The following ATF7IP variants were observed in gnomAD, a reference collection of about 807,000 sequenced individuals.
The protein encoded by ATF7IP is activating transcription factor 7-interacting protein 1.
Under a neutral mutation model 106.4 loss-of-function variants are expected in ATF7IP, and 23 were observed. That is an observed-to-expected ratio of 0.22 (90% CI 0.16 to 0.31). The LOEUF (loss-of-function observed/expected upper bound fraction) is 0.31. Ranked by LOEUF, ATF7IP falls within the 10% of genes least tolerant of loss-of-function variation. The pLI is 1.00. For synonymous variants in ATF7IP, 542 were observed against 539.0 expected, an observed-to-expected ratio of 1.01 and a Z score of -0.08; for missense variants, 1,334 against 1,524.3, an observed-to-expected ratio of 0.88 and a Z score of 2.08.
chr12:14,408,963 T>G (rs1347990134), intron 1 of ATF7IP, among the ~76,000 whole-genome samples: 1 of 152,148 alleles, frequency 6.6e-6, no homozygotes, highest in Non-Finnish European at 1.5e-5. Flanking sequence ...AATATTATAC[T>G]AGAATACTTC....
At chr12:14,481,635 G>A (rs942579863) in intron 13 of ATF7IP, 1 of 444,848 alleles carries the variant, frequency 2.2e-6, no homozygotes, top group Non-Finnish European at 4.5e-6. Context: ...AATTGTTGAT[G>A]TATACTAGTT....
chr12:14,462,776 T>C (rs909850938), intron 9 of ATF7IP, among the ~76,000 whole-genome samples: 3 of 152,004 alleles, frequency 2.0e-5, no homozygotes, highest in Non-Finnish European at 4.4e-5. Flanking sequence ...CAATCATTAA[T>C]TGGTATAGCA....
intron 10 of ATF7IP, among the ~76,000 whole-genome samples, chr12:14,470,435 G>T (rs144774664): frequency 6.6e-6 from 1 of 152,046 alleles, no homozygotes; most frequent in Non-Finnish European, 1.5e-5. Flanking sequence ...AAACATAAAC[G>T]TGTTTCTGAT....
intron 13 of ATF7IP, among the ~76,000 whole-genome samples, chr12:14,486,830 T>C (rs539179836): frequency 6.6e-6 from 1 of 151,986 alleles, no homozygotes; most frequent in Non-Finnish European, 1.5e-5. Context: ...GTGACTAAGG[T>C]TCCCACCGTT....
rs752004141 is a variant in ATF7IP at position 14,481,204 on chromosome 12, A to G, written c.3280+19A>G. ...CAAAATAGTAAGAGATTTTTCTTGTATATGGCCCCAAGATACATGTAGTTC... is the reference window on the plus strand; with the variant it reads ...CAAAATAGTAAGAGATTTTTCTTGTGTATGGCCCCAAGATACATGTAGTTC... On this transcript the variant is annotated intron_variant, in intron 13 of 14. Coordinates refer to ENST00000261168, the MANE Select transcript of ATF7IP (RefSeq NM_018179.5). 6 of 1,612,140 alleles carry G rather than the reference A, an allele frequency of 3.7e-6. No individual in the cohort carries two copies. The highest frequency in any genetic ancestry group is 5.1e-6 in the Non-Finnish European group (6 of 1,179,734).
intron 1 of ATF7IP, among the ~76,000 whole-genome samples, chr12:14,382,380 C>T (rs1455802635): frequency 1.3e-5 from 2 of 152,146 alleles, no homozygotes; most frequent in Non-Finnish European, 2.9e-5. Context: ...AAACCTGTGA[C>T]ATTATACAGT....
intron 7 of ATF7IP, among the ~76,000 whole-genome samples, chr12:14,456,910 A>G (rs796388632): frequency 3.3e-5 from 5 of 152,328 alleles, no homozygotes; most frequent in African/African-American, 9.6e-5. Flanking sequence ...TGCTTCTGTT[A>G]AGGGTGAGAA....
chr12:14,408,881 G>A (rs1403807372), intron 1 of ATF7IP, among the ~76,000 whole-genome samples: 1 of 152,104 alleles, frequency 6.6e-6, no homozygotes, highest in Non-Finnish European at 1.5e-5. Flanking sequence ...TGTCAGTTAC[G>A]TGTACATAGC....
intron 1 of ATF7IP, chr12:14,417,000 T>C: frequency 2.0e-4 from 155 of 790,676 alleles, no homozygotes; most frequent in Non-Finnish European, 2.2e-4. Flanking sequence ...GGAAATGAGG[T>C]TTATTTTTAA....
At chr12:14,410,510 G>C (rs1349797292) in intron 1 of ATF7IP, among the ~76,000 whole-genome samples, 1 of 152,136 alleles carries the variant, frequency 6.6e-6, no homozygotes, top group African/African-American at 2.4e-5. Flanking sequence ...ACGTGCAAGA[G>C]TAGTGATGCT....
intron 1 of ATF7IP, among the ~76,000 whole-genome samples, chr12:14,380,061 T>A (rs1938935174): frequency 6.6e-6 from 1 of 152,208 alleles, no homozygotes; most frequent in Non-Finnish European, 1.5e-5. Flanking sequence ...TTCTGATTTG[T>A]AATTTTGTCT....
At chr12:14,377,746 T>A (rs1416652094) in intron 1 of ATF7IP, among the ~76,000 whole-genome samples, 1 of 151,998 alleles carries the variant, frequency 6.6e-6, no homozygotes, top group Non-Finnish European at 1.5e-5. Flanking sequence ...CCTGAGTAGC[T>A]GGGATTACAG....
At chr12:14,374,084 A>G (rs1938631021) in intron 1 of ATF7IP, among the ~76,000 whole-genome samples, 1 of 150,140 alleles carries the variant, frequency 6.7e-6, no homozygotes, top group Admixed American at 6.6e-5. Flanking sequence ...ATTTTCCATG[A>G]TGGAAAATAT....
intron 10 of ATF7IP, among the ~76,000 whole-genome samples, chr12:14,467,914 T>G (rs1043126289): frequency 6.6e-6 from 1 of 152,188 alleles, no homozygotes; most frequent in African/African-American, 2.4e-5. Flanking sequence ...AGATACAGAC[T>G]GTTTTCATCA....
chr12:14,376,079 C>T (rs1487621830), intron 1 of ATF7IP, among the ~76,000 whole-genome samples: 2 of 152,138 alleles, frequency 1.3e-5, no homozygotes, highest in Non-Finnish European at 2.9e-5. Flanking sequence ...AAACGCCACA[C>T]GATTACTAAA....
At chr12:14,455,890 C>T (rs143836283) in intron 6 of ATF7IP, among the ~76,000 whole-genome samples, 20 of 152,008 alleles carry the variant, frequency 1.3e-4, no homozygotes, top group South Asian at 1.2e-3. Context: ...TGCCCAGCCT[C>T]GTTTTAAGAG....
At chr12:14,466,415 C>T (rs1249560480) in intron 9 of ATF7IP, 111 bp from the exon 10 acceptor site, 1 of 796,834 alleles carries the variant, frequency 1.3e-6, no homozygotes, top group Admixed American at 2.5e-5. Context: ...ATGTATGTGA[C>T]ATGTTGACGG....
At chr12:14,423,717 C>T (rs1315937930) in intron 1 of ATF7IP, 192 bp from the exon 2 acceptor site, 13 of 527,274 alleles carry the variant, frequency 2.5e-5, no homozygotes, top group Middle Eastern at 1.1e-3. Context: ...TAGACTATGG[C>T]CATTTTTGAT....
intron 2 of ATF7IP, among the ~76,000 whole-genome samples, chr12:14,429,112 C>G (rs1942005330): frequency 2.0e-5 from 3 of 152,090 alleles, no homozygotes; most frequent in Non-Finnish European, 4.4e-5. Flanking sequence ...AAGCTAGGAC[C>G]ATTTCTTCTT....
Sources: allele counts gnomAD v4.1 joint callset (sites outside exome capture counted in the v4.1 genomes callset), GRCh38; gene constraint gnomAD v4.1.1; transcripts MANE v1.5; gene names NCBI Gene and HGNC (gene_info 2026-07-23, HGNC 2026-07-21).